HERC1: variants seen among roughly 807,000 people sequenced by gnomAD.
HERC1 encodes HECT and RLD domain containing E3 ubiquitin protein ligase family member 1.
Under a neutral mutation model 554.3 loss-of-function variants are expected in HERC1, and 160 were observed. The observed-to-expected ratio is 0.29, with a 90% CI of 0.25 to 0.33. HERC1 has a LOEUF of 0.33. Among genes scored for constraint, HERC1 ranks in the 10% least tolerant of loss-of-function variants. The probability of loss-of-function intolerance (pLI) is 1.00; values close to 1 mark genes in which losing one functional copy is unlikely to be tolerated. For synonymous variants in HERC1, 2,175 were observed against 2,131.7 expected (o/e 1.02, Z -0.56); for missense variants, 4,919 against 5,918.5 (o/e 0.83, Z 5.54).
intron 1 of HERC1, among the ~76,000 whole-genome samples, chr15:63,799,112 G>T (rs976888058): frequency 2.0e-5 from 3 of 152,158 alleles, no homozygotes; most frequent in African/African-American, 7.2e-5. Context: ...ACACGGAGTT[G>T]TTCAACAAAA....
chr15:63,743,669 A>C (rs1377566658), intron 12 of HERC1, among the ~76,000 whole-genome samples: 2 of 152,196 alleles, frequency 1.3e-5, no homozygotes, highest in African/African-American at 4.8e-5. Context: ...TGATTCTTTC[A>C]AATTATTTTA....
chr15:63,826,441 A>C (rs979755528), intron 1 of HERC1, among the ~76,000 whole-genome samples: 1 of 152,130 alleles, frequency 6.6e-6, no homozygotes. Context: ...CAAAATAACT[A>C]TGTACAATGT....
At chr15:63,740,234 C>A (rs1030512455) in intron 12 of HERC1, among the ~76,000 whole-genome samples, 1 of 152,084 alleles carries the variant, frequency 6.6e-6, no homozygotes, top group Admixed American at 6.5e-5. Context: ...TTAGAAGGTT[C>A]GGTTAGGTTG....
intron 14 of HERC1, among the ~76,000 whole-genome samples, chr15:63,730,799 G>A (rs970202610): frequency 2.0e-5 from 3 of 152,056 alleles, no homozygotes; most frequent in Admixed American, 6.5e-5. Flanking sequence ...AAGAGCACAG[G>A]GGAATTCTTT....
At chr15:63,623,497 G>A (rs1023664511) in intron 73 of HERC1, among the ~76,000 whole-genome samples, 1 of 152,170 alleles carries the variant, frequency 6.6e-6, no homozygotes, top group Non-Finnish European at 1.5e-5. Context: ...TGAGTCATTG[G>A]TAGATGCCTA....
At chr15:63,733,169 A>C (rs767320682) in intron 13 of HERC1, 24 bp from the exon 14 acceptor site, 2 of 1,489,074 alleles carry the variant, frequency 1.3e-6, no homozygotes, top group South Asian at 2.3e-5. Context: ...AAATAGGAAC[A>C]AGTAACTAGC....
intron 12 of HERC1, among the ~76,000 whole-genome samples, chr15:63,743,274 T>TTC (rs1211842044): frequency 1.4e-5 from 2 of 146,154 alleles, no homozygotes; most frequent in African/African-American, 2.5e-5. Context: ...TTTTTTTTTT[T>TTC]TTTTTTTAAA....
chr15:63,655,994 T>C (rs547616661), intron 49 of HERC1, 39 bp from the exon 50 acceptor site: 1 of 1,592,636 alleles, frequency 6.3e-7, no homozygotes, highest in Admixed American at 1.7e-5. Flanking sequence ...AATTTTTACA[T>C]GTAATTTTGG....
chr15:63,649,621 C>A, intron 54 of HERC1, 104 bp downstream of exon 54: 2 of 892,898 alleles, frequency 2.2e-6, no homozygotes, highest in Non-Finnish European at 3.4e-6. Context: ...GAAAACAAAG[C>A]CAAGATAATA....
chr15:63,621,361 C>G (rs1260549139), intron 74 of HERC1, among the ~76,000 whole-genome samples: 2 of 152,218 alleles, frequency 1.3e-5, no homozygotes, highest in African/African-American at 4.8e-5. Flanking sequence ...GCCGAGATAT[C>G]TGCTGTTAGT....
intron 43 of HERC1, among the ~76,000 whole-genome samples, chr15:63,663,438 A>G (rs2070455889): frequency 6.6e-6 from 1 of 152,184 alleles, no homozygotes; most frequent in African/African-American, 2.4e-5. Flanking sequence ...AAGAGAATCC[A>G]TGCGATGCTT....
intron 1 of HERC1, among the ~76,000 whole-genome samples, chr15:63,793,836 G>A (rs149066495): frequency 6.6e-6 from 1 of 152,154 alleles, no homozygotes; most frequent in African/African-American, 2.4e-5. Context: ...CCTTGAGTAG[G>A]AGCTGGGTAA....
At chr15:63,792,013 GATTTA>G (rs1272737753) in intron 1 of HERC1, among the ~76,000 whole-genome samples, 5 of 152,124 alleles carry the variant, frequency 3.3e-5, no homozygotes, top group East Asian at 1.9e-4. Flanking sequence ...ATTGATAACT[GATTTA>G]ATTTTTCATT....
chr15:63,622,682 G>A (rs1334089920), intron 74 of HERC1, 133 bp downstream of exon 74: 5 of 594,320 alleles, frequency 8.4e-6, no homozygotes, highest in Non-Finnish European at 1.4e-5. Context: ...ACTCCTTAGG[G>A]TTACAATGAG....
chr15:63,657,453 ACTT>A (rs547619244), intron 48 of HERC1, among the ~76,000 whole-genome samples: 3 of 151,914 alleles, frequency 2.0e-5, no homozygotes, highest in Non-Finnish European at 2.9e-5. Flanking sequence ...TTTGTGAAAC[ACTT>A]CTTAATGTGT....
chr15:63,829,561 G>GTGTGTGTGTATATATA (rs1220043639), intron 1 of HERC1, among the ~76,000 whole-genome samples: 16 of 81,732 alleles, frequency 2.0e-4, no homozygotes, highest in African/African-American at 2.6e-4. Flanking sequence ...GTGTGTGTGT[G>GTGTGTGTGTATATATA]TATATATATA....
At chr15:63,638,016 C>A (rs1269844492) in intron 63 of HERC1, among the ~76,000 whole-genome samples, 1 of 152,082 alleles carries the variant, frequency 6.6e-6, no homozygotes, top group African/African-American at 2.4e-5. Flanking sequence ...AAAGCAGAGG[C>A]CTCGAGAAGG....
At position 63,630,567 on chromosome 15, in the gene HERC1, C is replaced by T. The variant is rs769190857; in HGVS notation, c.12865G>A (p.Ala4289Thr). Residue 4289 changes from alanine (A) to threonine (T), a missense_variant, in exon 69 of 78, where the codon GCT becomes ACT. Transcript: ENST00000443617. ...HNRPQQIPVL[A>T]GVIIEDVAVG... ...GCCACATCTTCTATGATTACTCCAG[C>T]CAGGACAGGGATTTGTTGCGGTCGA... 1.2e-5 allele frequency: 19 copies of T among 1,614,052 alleles called. 1 individual carries two copies. In the South Asian group the frequency reaches 1.4e-4, roughly 12 times the overall value.
chr15:63,714,783 G>T (rs535149249), intron 22 of HERC1, among the ~76,000 whole-genome samples: 1 of 151,694 alleles, frequency 6.6e-6, no homozygotes, highest in Admixed American at 6.6e-5. Flanking sequence ...TCCTGACCTC[G>T]TGATCCGCCT....
Sources: gnomAD v4.1 joint callset for allele counts (sites outside exome capture counted in the v4.1 genomes callset) on GRCh38, gnomAD v4.1.1 for gene constraint, MANE v1.5 for transcripts, NCBI Gene and HGNC (gene_info 2026-07-23, HGNC 2026-07-21) for gene names.